NUBPL: variants seen among roughly 807,000 people sequenced by gnomAD.
The protein encoded by NUBPL is NUBP iron-sulfur cluster assembly factor, mitochondrial, also known as iron-sulfur cluster transfer protein NUBPL.
Under a neutral mutation model 45.7 loss-of-function variants are expected in NUBPL, and 31 were observed. That is an observed-to-expected ratio of 0.68 (90% CI 0.51 to 0.92). The LOEUF (loss-of-function observed/expected upper bound fraction) is 0.92, where lower values mean the gene tolerates loss of function less well. Among genes scored for constraint, NUBPL ranks in the 40% least tolerant of loss-of-function variants. The probability of loss-of-function intolerance (pLI) is 0.00; values close to 1 mark genes in which losing one functional copy is unlikely to be tolerated. For synonymous variants in NUBPL, 144 were observed against 140.9 expected (o/e 1.02, Z -0.15); for missense variants, 401 against 398.7 (o/e 1.01, Z -0.05).
At chr14:31,798,616 C>A (rs1360069864) in intron 7 of NUBPL, among the ~76,000 whole-genome samples, 2 of 150,924 alleles carry the variant, frequency 1.3e-5, no homozygotes, top group African/African-American at 4.9e-5. Context: ...CACGGTGAAA[C>A]CCTGTCTCTA....
chr14:31,681,937 G>T (rs1221590651), intron 6 of NUBPL, among the ~76,000 whole-genome samples: 3 of 151,980 alleles, frequency 2.0e-5, no homozygotes, highest in Non-Finnish European at 4.4e-5. Flanking sequence ...TTCTTTTTGT[G>T]GACCAGCACC....
intron 6 of NUBPL, among the ~76,000 whole-genome samples, chr14:31,683,072 C>A (rs1267376338): frequency 7.3e-6 from 1 of 137,134 alleles, no homozygotes; most frequent in Non-Finnish European, 1.5e-5. Context: ...AGAGTGAGAA[C>A]TCTCATTACT....
chr14:31,765,763 T>A lies in NUBPL; in HGVS notation c.514-22017T>A, dbSNP rs148597607. On this transcript the variant is annotated intron_variant, in intron 6 of 10. Transcript: ENST00000281081. ...TTACCAATGATTTTAAAGCTATCTT[T>A]GTTTACCAAAGATTACTAAAGTCAT... Among the ~76,000 whole-genome samples the A allele has an allele frequency of 2.1e-3, 320 of 152,354 alleles. 1 individual carries two copies. Among genetic ancestry groups the A allele is most frequent in the African/African-American group, 7.4e-3 (306 of 41,584 alleles).
intron 6 of NUBPL, among the ~76,000 whole-genome samples, chr14:31,751,625 A>G (rs2038531578): frequency 6.6e-6 from 1 of 152,248 alleles, no homozygotes; most frequent in African/African-American, 2.4e-5. Context: ...TGCTTCCACA[A>G]GCTGGCATTG....
chr14:31,605,922 CCTTCTCCCTCCTCCTCTTGTCCTCT>C (rs1384352430), intron 4 of NUBPL, among the ~76,000 whole-genome samples: 134 of 148,108 alleles, frequency 9.0e-4, no homozygotes, highest in African/African-American at 3.0e-3. Context: ...TCTCCTCCTC[CCTTCTCCCTCCTCCTCTTGTCCTCT>C]CTTCTCCCTC....
intron 9 of NUBPL, among the ~76,000 whole-genome samples, chr14:31,847,867 G>T (rs573812366): frequency 1.1e-4 from 16 of 152,204 alleles, no homozygotes; most frequent in African/African-American, 3.6e-4. Context: ...ATTATATTCT[G>T]CAACTGTTTT....
chr14:31,682,861 G>A lies in NUBPL; in HGVS notation c.513+9287G>A, dbSNP rs190997929. Among the ~76,000 whole-genome samples, 43 of 152,206 alleles carry A rather than the reference G, an allele frequency of 2.8e-4. No individual in the cohort carries two copies. In the East Asian group the frequency reaches 8.1e-3, roughly 29 times the overall value. ...AAGAAAAGAGGTTTATTTGGCTCAT[G>A]GTTCTACAGACTGTACAAGAAGCAT... On this transcript the variant is annotated intron_variant, in intron 6 of 10. Coordinates refer to ENST00000281081, the MANE Select transcript of NUBPL (RefSeq NM_025152.3).
intron 4 of NUBPL, among the ~76,000 whole-genome samples, chr14:31,619,841 G>A (rs907471700): frequency 7.9e-5 from 12 of 152,042 alleles, no homozygotes; most frequent in Admixed American, 2.0e-4. Flanking sequence ...GCCTTGCTCG[G>A]TTGGGGGAGT....
rs756221563 is a variant in NUBPL at position 31,601,061 on chromosome 14, C to T, written c.382+1682C>T. Among the ~76,000 whole-genome samples the T allele has an allele frequency of 3.4e-3, 517 of 152,062 alleles. 1 individual carries two copies. The highest frequency in any genetic ancestry group is 6.4e-3 in the Non-Finnish European group (432 of 67,952). Reference sequence around the variant, plus strand: ...TCAGGTTTGTCAAAGATCAGATAGTCGTAGATATGCGGCGTTATTTCTGAG... The same window carrying T: ...TCAGGTTTGTCAAAGATCAGATAGTTGTAGATATGCGGCGTTATTTCTGAG... On this transcript the variant is annotated intron_variant, in intron 4 of 10. Transcript: ENST00000281081.
At chr14:31,737,615 T>A (rs2038191146) in intron 6 of NUBPL, among the ~76,000 whole-genome samples, 1 of 152,122 alleles carries the variant, frequency 6.6e-6, no homozygotes, top group Non-Finnish European at 1.5e-5. Context: ...AAACCCCATC[T>A]ATTAAAGATG....
chr14:31,818,759 A>T (rs1030510927), intron 7 of NUBPL, among the ~76,000 whole-genome samples: 4 of 152,318 alleles, frequency 2.6e-5, no homozygotes, highest in South Asian at 2.1e-4. Context: ...CGTGTTAGCC[A>T]GGATGGTCTC....
chr14:31,774,651 G>C (rs2039067645), intron 6 of NUBPL, among the ~76,000 whole-genome samples: 1 of 152,212 alleles, frequency 6.6e-6, no homozygotes, highest in African/African-American at 2.4e-5. Flanking sequence ...CCTCAGAAAA[G>C]AGGGAATTGC....
At chr14:31,635,033 G>C (rs1183803956) in intron 4 of NUBPL, among the ~76,000 whole-genome samples, 1 of 149,770 alleles carries the variant, frequency 6.7e-6, no homozygotes, top group Non-Finnish European at 1.5e-5. Context: ...CTCCCATTTT[G>C]TAGGTTGCCT....
chr14:31,755,956 A>T (rs1371112308), intron 6 of NUBPL, among the ~76,000 whole-genome samples: 1 of 152,000 alleles, frequency 6.6e-6, no homozygotes, highest in Non-Finnish European at 1.5e-5. Flanking sequence ...TAAATAGGGA[A>T]TCCTTTCCCC....
intron 2 of NUBPL, among the ~76,000 whole-genome samples, chr14:31,564,697 T>C (rs376655236): frequency 1.3e-5 from 2 of 151,978 alleles, no homozygotes; most frequent in South Asian, 4.1e-4. Context: ...ATTAACATGA[T>C]TTTAAAAAAT....
At chr14:31,762,176 T>C (rs10150219) in intron 6 of NUBPL, among the ~76,000 whole-genome samples, 14,703 of 152,266 alleles carry the variant, frequency 0.097, 931 homozygotes, top group African/African-American at 0.18. Flanking sequence ...TAAAAATCTT[T>C]TCTAACTATG....
rs528739890 is a variant in NUBPL, at chr14:31,809,400, C to G, written c.608-17229C>G. Reference sequence around the variant, plus strand: ...TTCTTCTAGACTTTCTAGTTTATTTCTGTAGAGGTGTTTATAGTATTCTCT... The same window carrying G: ...TTCTTCTAGACTTTCTAGTTTATTTGTGTAGAGGTGTTTATAGTATTCTCT... On this transcript the variant is annotated intron_variant, in intron 7 of 10. Coordinates refer to ENST00000281081, the MANE Select transcript of NUBPL (RefSeq NM_025152.3). 1.6e-3 allele frequency among the ~76,000 whole-genome samples: 239 copies of G among 152,102 alleles called. 9 individuals carry two copies. The South Asian group carries it at 0.047, about 30-fold the overall frequency.
intron 3 of NUBPL, among the ~76,000 whole-genome samples, chr14:31,594,434 G>A (rs2034229592): frequency 6.6e-6 from 1 of 152,100 alleles, no homozygotes; most frequent in Admixed American, 6.5e-5. Context: ...AAAGAAATCT[G>A]CCATTTATCT....
chr14:31,856,484 C>T (rs1041305092), intron 10 of NUBPL, among the ~76,000 whole-genome samples: 1 of 152,094 alleles, frequency 6.6e-6, no homozygotes, highest in Non-Finnish European at 1.5e-5. Context: ...CAACAGTCCC[C>T]GAAAGTCTTA....
Sources: allele counts gnomAD v4.1 joint callset (sites outside exome capture counted in the v4.1 genomes callset), GRCh38; gene constraint gnomAD v4.1.1; transcripts MANE v1.5; gene names NCBI Gene and HGNC (gene_info 2026-07-23, HGNC 2026-07-21).